CCDC69: variants seen among roughly 807,000 people sequenced by gnomAD.
CCDC69 encodes the protein coiled-coil domain containing 69, also known as coiled-coil domain-containing protein 69.
Under a neutral mutation model 40.3 loss-of-function variants are expected in CCDC69, and 38 were observed. That is an observed-to-expected ratio of 0.94 (90% CI 0.73 to 1.24). The LOEUF (loss-of-function observed/expected upper bound fraction) is 1.24, where lower values mean the gene tolerates loss of function less well. Among genes scored for constraint, CCDC69 ranks in the 50% most tolerant of loss-of-function variants. The pLI is 0.00. For missense variants in CCDC69, 389 were observed against 357.9 expected, an observed-to-expected ratio of 1.09 and a Z score of -0.70; for synonymous variants, 141 against 138.9, an observed-to-expected ratio of 1.02 and a Z score of -0.11.
chr5:151,215,752 C>T (rs568738352), intron 1 of CCDC69: 8 of 290,286 alleles, frequency 2.8e-5, no homozygotes, highest in South Asian at 2.0e-4. Flanking sequence ...CCTAATTCTA[C>T]AGTAGCACTG....
chr5:151,215,548 T>C (rs1232157680), intron 1 of CCDC69: 5 of 317,548 alleles, frequency 1.6e-5, no homozygotes, highest in South Asian at 2.1e-5. Flanking sequence ...GCTCTGGTCA[T>C]GGAGGGGGCT....
chr5:151,223,928 TC>T lies in CCDC69; in HGVS notation c.42del (p.Lys16ArgfsTer19). On this transcript the variant is annotated frameshift_variant, in exon 1 of 9. Coordinates refer to ENST00000355417, the MANE Select transcript of CCDC69 (RefSeq NM_015621.3). LOFTEE classifies it high-confidence loss of function. ...TCTCCGCCGGCGCCCTTTACCTTTTTCGGGGGTTTGCAGCTGCTCAGCCTGC... is the reference window on the plus strand; with the variant it reads ...TCTCCGCCGGCGCCCTTTACCTTTTTGGGGGTTTGCAGCTGCTCAGCCTGC... ...RHSRLSSCKP[P>X]KKKRQEPEPE... 6.3e-7 allele frequency: 1 copy of T among 1,583,586 alleles called. No individual in the cohort carries two copies. Among genetic ancestry groups the T allele is most frequent in the Non-Finnish European group, 8.6e-7 (1 of 1,167,316 alleles).
At chr5:151,194,676 C>T (rs925280663) in intron 4 of CCDC69, among the ~76,000 whole-genome samples, 25 of 152,040 alleles carry the variant, frequency 1.6e-4, no homozygotes, top group East Asian at 1.9e-4. Flanking sequence ...GGGTGGATCA[C>T]GAGGTCAGGA....
At chr5:151,215,394 C>T (rs561988890) in intron 1 of CCDC69, among the ~76,000 whole-genome samples, 11 of 152,326 alleles carry the variant, frequency 7.2e-5, no homozygotes, top group African/African-American at 2.6e-4. Context: ...CAATGGGATA[C>T]GTAAGAGCCC....
chr5:151,214,357 C>A (rs1182029889), intron 1 of CCDC69, among the ~76,000 whole-genome samples: 4 of 152,092 alleles, frequency 2.6e-5, no homozygotes, highest in Non-Finnish European at 4.4e-5. Context: ...CACTCCAGGG[C>A]CTTCGGGGAG....
chr5:151,213,433 T>C (rs1752982386), intron 1 of CCDC69, among the ~76,000 whole-genome samples: 2 of 151,850 alleles, frequency 1.3e-5, no homozygotes, highest in South Asian at 4.2e-4. Flanking sequence ...TTTGTATTTT[T>C]TGTGAAGATG....
chr5:151,217,924 G>A (rs1382242720), intron 1 of CCDC69, among the ~76,000 whole-genome samples: 1 of 152,188 alleles, frequency 6.6e-6, no homozygotes, highest in Non-Finnish European at 1.5e-5. Context: ...AAGGCACAGG[G>A]GCAGGGTCAC....
chr5:151,187,126 T>C (rs1024057359), intron 5 of CCDC69, among the ~76,000 whole-genome samples: 4 of 152,316 alleles, frequency 2.6e-5, no homozygotes, highest in African/African-American at 9.6e-5. Context: ...CTAATCACAC[T>C]GTGGCACTTG....
chr5:151,196,394 T>C (rs1752700243), intron 4 of CCDC69, among the ~76,000 whole-genome samples: 3 of 152,250 alleles, frequency 2.0e-5, no homozygotes, highest in Middle Eastern at 3.4e-3. Flanking sequence ...CCTGACCTTG[T>C]GATACACCCG....
chr5:151,215,441 G>A lies in CCDC69; in HGVS notation c.48+8482C>T, dbSNP rs1753022978. The A allele has an allele frequency of 2.5e-5, 5 of 203,502 alleles. 1 individual carries two copies. The South Asian group carries it at 2.5e-4, about 10-fold the overall frequency. 12.6% of individuals were successfully genotyped at this position (203,502 alleles called of 1,614,324 possible). A position where few individuals can be genotyped will look rare whatever the true frequency, so the allele number is the denominator to read the frequency against. The stretch of plus-strand genomic sequence containing the variant: ...ACATGCTGTGGATGGGGAAGAAGGG[G>A]CAGAGTGAGGTCATCTTGCTATCTC... On this transcript the variant is annotated intron_variant, in intron 1 of 8. Coordinates refer to ENST00000355417, the MANE Select transcript of CCDC69 (RefSeq NM_015621.3).
chr5:151,192,096 A>G (rs1752621220), intron 4 of CCDC69, among the ~76,000 whole-genome samples: 1 of 147,818 alleles, frequency 6.8e-6, no homozygotes, highest in Non-Finnish European at 1.5e-5. Context: ...GGAAAAAAAA[A>G]AAAAAAAAAA....
At chr5:151,192,407 C>T (rs1015121908) in intron 4 of CCDC69, among the ~76,000 whole-genome samples, 1 of 150,584 alleles carries the variant, frequency 6.6e-6, no homozygotes, top group Non-Finnish European at 1.5e-5. Flanking sequence ...CAATCCTATG[C>T]ACCTAGATTC....
At chr5:151,185,656 T>A (rs1446699979) in intron 6 of CCDC69, 115 bp from the exon 7 acceptor site, 1 of 1,076,020 alleles carries the variant, frequency 9.3e-7, no homozygotes, top group Non-Finnish European at 1.4e-6. Context: ...TCTCAGCCCA[T>A]GTTAAGTGTT....
chr5:151,210,198 G>A (rs1307138686), intron 1 of CCDC69, among the ~76,000 whole-genome samples: 2 of 152,194 alleles, frequency 1.3e-5, no homozygotes, highest in Non-Finnish European at 2.9e-5. Context: ...TCACTGTTGA[G>A]TGTTTAAATT....
Position 151,182,648 on chromosome 5 carries a change from C to T in CCDC69, c.*789G>A, listed in dbSNP as rs1435445491. The T allele has an allele frequency of 1.2e-5, 3 of 240,632 alleles. No homozygotes were observed. The highest frequency in any genetic ancestry group is 6.8e-5 in the African/African-American group (3 of 44,284). The allele number at this position is 240,632 out of a possible 1,614,324, so 14.9% of individuals were successfully genotyped here. ...CTCTGATAGATGAATGGACTCACAACCACCAAGCTTGCCCCTGTGCCCAGG... is the reference window on the plus strand; with the variant it reads ...CTCTGATAGATGAATGGACTCACAATCACCAAGCTTGCCCCTGTGCCCAGG... On this transcript the variant is annotated 3_prime_UTR_variant, in exon 9 of 9. Coordinates refer to ENST00000355417, the MANE Select transcript of CCDC69 (RefSeq NM_015621.3).
intron 2 of CCDC69, among the ~76,000 whole-genome samples, chr5:151,202,975 T>C (rs1752797086): frequency 6.6e-6 from 1 of 152,004 alleles, no homozygotes; most frequent in Non-Finnish European, 1.5e-5. Flanking sequence ...GCCTGCAACA[T>C]GTCCAGCACT....
chr5:151,196,018 T>C (rs148136892), intron 4 of CCDC69, among the ~76,000 whole-genome samples: 2,732 of 152,342 alleles, frequency 0.018, 34 homozygotes, highest in Middle Eastern at 0.071. Flanking sequence ...AGGAAAGCCA[T>C]GTACTTTACG....
chr5:151,185,732 G>C (rs972410669), intron 6 of CCDC69, among the ~76,000 whole-genome samples, 191 bp from the exon 7 acceptor site: 2 of 152,234 alleles, frequency 1.3e-5, no homozygotes, highest in Admixed American at 6.5e-5. Context: ...CCACAGATGA[G>C]GAGACTGTGG....
At chr5:151,209,081 G>A (rs1334714627) in intron 1 of CCDC69, among the ~76,000 whole-genome samples, 1 of 152,220 alleles carries the variant, frequency 6.6e-6, no homozygotes, top group East Asian at 1.9e-4. Context: ...GAGCAGAGTG[G>A]TTAAGAACTC....
Sources: allele counts gnomAD v4.1 joint callset (sites outside exome capture counted in the v4.1 genomes callset), GRCh38; gene constraint gnomAD v4.1.1; transcripts MANE v1.5; gene names NCBI Gene and HGNC (gene_info 2026-07-23, HGNC 2026-07-21).